Variants in SEMA3A observed in about 807,000 individuals in gnomAD.
SEMA3A encodes the protein semaphorin-3A.
In SEMA3A, 29 loss-of-function variants were observed where a neutral mutation model predicts 97.9. The ratio of observed to expected loss-of-function variants is 0.30; its 90% confidence interval spans 0.22 to 0.40. The LOEUF is 0.40. SEMA3A is among the 10% of genes least tolerant of loss of function. SEMA3A has a pLI of 1.00. For synonymous variants in SEMA3A, 321 were observed against 323.7 expected (o/e 0.99, Z 0.09); for missense variants, 763 against 951.3 (o/e 0.80, Z 2.60).
intron 3 of SEMA3A, among the ~76,000 whole-genome samples, chr7:84,233,519 C>T (rs61274937): frequency 0.076 from 11,608 of 151,746 alleles, 1,512 homozygotes; most frequent in African/African-American, 0.26. Context: ...AATTTTTACA[C>T]ATAATGAGAA....
At chr7:84,143,298 A>T (rs1356594111) in intron 1 of SEMA3A, among the ~76,000 whole-genome samples, 2 of 152,202 alleles carry the variant, frequency 1.3e-5, no homozygotes, top group Non-Finnish European at 2.9e-5. Flanking sequence ...GAAAAGTATA[A>T]GAGGAAAATA....
intron 1 of SEMA3A, among the ~76,000 whole-genome samples, chr7:84,435,822 T>C (rs899600778): frequency 5.3e-5 from 8 of 152,136 alleles, no homozygotes; most frequent in Admixed American, 2.6e-4. Flanking sequence ...TAGAAAGCAC[T>C]ATTGTAAAAT....
intron 4 of SEMA3A, among the ~76,000 whole-genome samples, chr7:84,092,105 A>G (rs1326748406): frequency 2.0e-5 from 3 of 152,088 alleles, no homozygotes; most frequent in Non-Finnish European, 2.9e-5. Context: ...GTTCACATAT[A>G]TTTTTTAAAA....
intron 1 of SEMA3A, among the ~76,000 whole-genome samples, chr7:84,481,847 A>C (rs1806454853): frequency 6.6e-6 from 1 of 151,886 alleles, no homozygotes; most frequent in South Asian, 2.1e-4. Context: ...AACTAAAATA[A>C]TCAATGCCCT....
chr7:84,417,645 T>G (rs565063300), intron 1 of SEMA3A, among the ~76,000 whole-genome samples: 1 of 152,236 alleles, frequency 6.6e-6, no homozygotes, highest in Non-Finnish European at 1.5e-5. Flanking sequence ...ATTTTAAAAA[T>G]GACTTTTTCT....
At chr7:84,001,877 C>A (rs1790467798) in intron 12 of SEMA3A, 78 bp downstream of exon 12, 2 of 943,844 alleles carry the variant, frequency 2.1e-6, no homozygotes, top group Non-Finnish European at 3.3e-6. Flanking sequence ...CTTGTCCATA[C>A]CAAGTTCAGT....
chr7:84,178,293 G>A (rs7804295), intron 1 of SEMA3A, among the ~76,000 whole-genome samples: 55,551 of 151,640 alleles, frequency 0.37, 10,816 homozygotes, highest in East Asian at 0.59. Flanking sequence ...GCTTGACCTG[G>A]TACTTCATAT....
Position 84,202,751 on chromosome 7 carries a change from C to G in SEMA3A, c.-82-8083G>C, listed in dbSNP as rs1329241732. On this transcript the variant is annotated intron_variant, in intron 3 of 3. Coordinates refer to the SEMA3A transcript ENST00000424555. ...TTTTGAGATATGTTTAGGCGCCAGT[C>G]TTTGTGACTTACAAAACTAATCACA... 3.3e-5 allele frequency among the ~76,000 whole-genome samples: 5 copies of G among 152,272 alleles called. No homozygotes were observed. In the East Asian group the frequency reaches 9.7e-4, roughly 29 times the overall value.
At chr7:83,976,392 A>T (rs1789149937) in intron 15 of SEMA3A, among the ~76,000 whole-genome samples, 1 of 152,158 alleles carries the variant, frequency 6.6e-6, no homozygotes, top group Admixed American at 6.6e-5. Flanking sequence ...AACTATGTTC[A>T]TTAGCAGTAT....
chr7:84,117,574 T>A (rs1795473405), intron 3 of SEMA3A, among the ~76,000 whole-genome samples: 1 of 152,140 alleles, frequency 6.6e-6, no homozygotes, highest in Non-Finnish European at 1.5e-5. Flanking sequence ...TAGATTCTCG[T>A]AGGAGCGTGA....
intron 1 of SEMA3A, among the ~76,000 whole-genome samples, chr7:84,188,813 A>C (rs1272021067): frequency 6.6e-6 from 1 of 151,918 alleles, no homozygotes; most frequent in Non-Finnish European, 1.5e-5. Flanking sequence ...TTAGTTTTTC[A>C]GGATCAAAAT....
At chr7:84,237,456 G>A (rs890166879) in intron 3 of SEMA3A, among the ~76,000 whole-genome samples, 6 of 152,074 alleles carry the variant, frequency 3.9e-5, no homozygotes, top group African/African-American at 7.2e-5. Context: ...GAAGAAGAAC[G>A]AAGAGAAGAA....
intron 10 of SEMA3A, among the ~76,000 whole-genome samples, chr7:84,006,631 T>C (rs975781756): frequency 1.6e-4 from 25 of 152,172 alleles, no homozygotes; most frequent in African/African-American, 6.0e-4. Context: ...ATTTATAGAG[T>C]ACAATATCTC....
At chr7:84,405,553 C>T (rs1167906962) in intron 1 of SEMA3A, among the ~76,000 whole-genome samples, 1 of 152,186 alleles carries the variant, frequency 6.6e-6, no homozygotes, top group East Asian at 1.9e-4. Context: ...ACGTAATAGA[C>T]ATCTACAGAA....
At chr7:84,040,223 C>T (rs1414410900) in intron 6 of SEMA3A, among the ~76,000 whole-genome samples, 1 of 138,170 alleles carries the variant, frequency 7.2e-6, no homozygotes, top group African/African-American at 2.7e-5. Flanking sequence ...TAACAAGTGG[C>T]TTTTTTTTTT....
intron 1 of SEMA3A, among the ~76,000 whole-genome samples, chr7:84,395,563 G>C (rs182738903): frequency 1.3e-5 from 2 of 151,602 alleles, no homozygotes; most frequent in African/African-American, 2.4e-5. Context: ...ACATGTCAAG[G>C]GGGGGACCAG....
chr7:84,209,738 C>T (rs938306515), intron 3 of SEMA3A, among the ~76,000 whole-genome samples: 3 of 152,048 alleles, frequency 2.0e-5, no homozygotes, highest in South Asian at 2.1e-4. Context: ...AATACTCTGC[C>T]ATTCAAACTA....
At chr7:84,381,905 GACTT>G (rs1182883686) in intron 1 of SEMA3A, among the ~76,000 whole-genome samples, 2 of 152,022 alleles carry the variant, frequency 1.3e-5, no homozygotes, top group South Asian at 4.1e-4. Context: ...AAAGTTTGAG[GACTT>G]ACTTGATATT....
chr7:84,352,022 A>G (rs1802448666), intron 2 of SEMA3A, among the ~76,000 whole-genome samples: 2 of 149,368 alleles, frequency 1.3e-5, no homozygotes, highest in South Asian at 4.2e-4. Flanking sequence ...TAGATACACA[A>G]TGTATTATGC....
Sources: allele counts gnomAD v4.1 joint callset (sites outside exome capture counted in the v4.1 genomes callset), GRCh38; gene constraint gnomAD v4.1.1; transcripts MANE v1.5; gene names NCBI Gene and HGNC (gene_info 2026-07-23, HGNC 2026-07-21).